SYK: variants seen among roughly 807,000 people sequenced by gnomAD.
The protein encoded by SYK is tyrosine-protein kinase SYK.
Under a neutral mutation model 77.8 loss-of-function variants are expected in SYK, and 16 were observed. The observed-to-expected ratio is 0.21, with a 90% confidence interval of 0.14 to 0.31. SYK has a LOEUF of 0.31. Among genes scored for constraint, SYK ranks in the 10% least tolerant of loss-of-function variants. SYK has a pLI of 1.00. For missense variants in SYK, 529 were observed against 814.4 expected (o/e 0.65, Z 4.26); for synonymous variants, 312 against 308.7 (o/e 1.01, Z -0.11).
rs140369985 is a variant in SYK, at chr9:90,840,372, C to T, written c.-41-3486C>T. ...AACAATGGAAATGAGGTTGGAGGCC[C>T]GAGAAGACCCACTGCAGGAAAAGGG... is the stretch of plus-strand genomic sequence containing the variant. On this transcript the variant is annotated intron_variant, in intron 1 of 13. Transcript: ENST00000375754. Among the ~76,000 whole-genome samples, 735 of 152,026 alleles carry T rather than the reference C, an allele frequency of 4.8e-3. 4 individuals carry two copies. The highest frequency in any genetic ancestry group is 0.017 in the African/African-American group (690 of 41,442).
Position 90,895,889 on chromosome 9 carries a change from A to G in SYK, c.*289A>G, listed in dbSNP as rs1828964527. The G allele has an allele frequency of 2.4e-6, 1 of 411,382 alleles. No individual in the cohort carries two copies. The highest frequency in any genetic ancestry group is 2.0e-5 in the African/African-American group (1 of 50,866). 25.5% of individuals were successfully genotyped at this position (411,382 alleles called of 1,614,324 possible). On this transcript the variant is annotated 3_prime_UTR_variant, in exon 14 of 14. Coordinates refer to ENST00000375754, the MANE Select transcript of SYK (RefSeq NM_003177.7). This position sits in a 1 kb window ranked among gnomAD's most constrained non-coding sequence, Gnocchi z 4.4. Reference sequence around the variant, plus strand: ...AGGTTATTTTTACGATCTGTTTCCAAATCCCTTTCATGTCTTTCCACTTCT... The same window carrying G: ...AGGTTATTTTTACGATCTGTTTCCAGATCCCTTTCATGTCTTTCCACTTCT...
intron 10 of SYK, among the ~76,000 whole-genome samples, 193 bp downstream of exon 10, chr9:90,877,973 A>G (rs908867200): frequency 4.6e-5 from 7 of 152,152 alleles, no homozygotes; most frequent in Admixed American, 4.6e-4. Flanking sequence ...TGTTAGCTCT[A>G]GTTGTTCAGA....
At chr9:90,893,313 A>G (rs2119001897) in intron 13 of SYK, among the ~76,000 whole-genome samples, 1 of 152,270 alleles carries the variant, frequency 6.6e-6, no homozygotes, top group East Asian at 1.9e-4. Flanking sequence ...TGCAGCACAG[A>G]AGCACATTGG....
chr9:90,891,142 CT>C (rs750370621), intron 13 of SYK, among the ~76,000 whole-genome samples: 52 of 119,092 alleles, frequency 4.4e-4, no homozygotes, highest in African/African-American at 8.3e-4. Flanking sequence ...ATGTTGCCTG[CT>C]TTTTTTTTTT....
chr9:90,815,398 C>T (rs190862190), intron 1 of SYK, among the ~76,000 whole-genome samples: 2 of 152,336 alleles, frequency 1.3e-5, no homozygotes, highest in Admixed American at 1.3e-4. Context: ...TGCCTCACTC[C>T]AGGCGCTGGG....
chr9:90,824,954 A>G (rs189332616), intron 1 of SYK, among the ~76,000 whole-genome samples: 7 of 152,320 alleles, frequency 4.6e-5, no homozygotes, highest in South Asian at 2.1e-4. Flanking sequence ...ATGCATGTCC[A>G]TATGGAGAAC....
rs1564120662 is a variant in SYK at position 90,884,354 on chromosome 9, CGTGTATACAT to C, written c.1582-3394_1582-3385del. Among the ~76,000 whole-genome samples the C allele has an allele frequency of 2.6e-4, 31 of 118,156 alleles. 1 individual carries two copies. The highest frequency in any genetic ancestry group is 4.1e-4 in the Non-Finnish European group (23 of 56,036). The allele number at this position is 118,156 out of a possible 152,430, so 77.5% of individuals were successfully genotyped here. Reference sequence around the variant, plus strand: ...GTGTATATATACACACATACACATACGTGTATACATACATACACACATACGTGTATATATG... The same window carrying C: ...GTGTATATATACACACATACACATACACATACACACATACGTGTATATATG... On this transcript the variant is annotated intron_variant, in intron 11 of 13. Transcript: ENST00000375754.
intron 13 of SYK, among the ~76,000 whole-genome samples, chr9:90,892,955 A>C (rs1199312250): frequency 2.0e-5 from 3 of 152,200 alleles, no homozygotes; most frequent in Non-Finnish European, 4.4e-5. Context: ...GGCTCCCTGC[A>C]CAACCTCAGC....
In SYK at chr9:90,858,826, G is replaced by A. The variant is rs2118759056; in HGVS notation, c.579-3380G>A. Among the ~76,000 whole-genome samples the A allele has an allele frequency of 1.3e-5, 2 of 152,332 alleles. 1 individual carries two copies. The highest frequency in any genetic ancestry group is 6.8e-3 in the Middle Eastern group (2 of 294). On this transcript the variant is annotated intron_variant, in intron 3 of 13. Coordinates refer to ENST00000375754, the MANE Select transcript of SYK (RefSeq NM_003177.7). ...TCTTGTTTCCTGCCACCTGCCACAG[G>A]GGGCTGCCCAGGCCACATGTCCATG...
chr9:90,865,219 C>T (rs944328357), intron 6 of SYK, 122 bp downstream of exon 6: 16 of 969,050 alleles, frequency 1.7e-5, no homozygotes, highest in East Asian at 1.5e-4. Flanking sequence ...AAACATACTC[C>T]GTGATGAGCT....
intron 1 of SYK, among the ~76,000 whole-genome samples, chr9:90,804,058 G>C (rs1824722382): frequency 6.6e-6 from 1 of 151,932 alleles, no homozygotes; most frequent in Non-Finnish European, 1.5e-5. Flanking sequence ...TTTTAGAGCT[G>C]CAGCTGAGGG....
intron 1 of SYK, among the ~76,000 whole-genome samples, chr9:90,839,436 A>G (rs555542847): frequency 2.0e-4 from 30 of 151,818 alleles, no homozygotes; most frequent in South Asian, 1.0e-3. Context: ...TGCACCATCA[A>G]AGCCACACAG....
chr9:90,845,718 C>T (rs1826566708), intron 3 of SYK, 124 bp downstream of exon 3: 1 of 1,105,824 alleles, frequency 9.0e-7, no homozygotes, highest in African/African-American at 1.6e-5. Context: ...TGCCATTTGA[C>T]AACATGCATG....
At chr9:90,884,250 C>CATACACATACGTGTATAT (rs1828307725) in intron 11 of SYK, among the ~76,000 whole-genome samples, 2 of 36,922 alleles carry the variant, frequency 5.4e-5, no homozygotes, top group Non-Finnish European at 5.0e-5. Context: ...TATATATACA[C>CATACACATACGTGTATAT]ATACACATAC....
At position 90,874,529 on chromosome 9, in the gene SYK, C is replaced by G. The variant is rs1054889678; in HGVS notation, c.1004-143C>G. The G allele has an allele frequency of 1.7e-5, 19 of 1,124,824 alleles. No homozygotes were observed. The African/African-American group carries it at 3.0e-4, about 18-fold the overall frequency. The allele number at this position is 1,124,824 out of a possible 1,614,324, so 69.7% of individuals were successfully genotyped here. ...CCTCACCCAACGACGTTGGAAATGTCCCTGCCACTCTTCAGAATTTCTCAT... is the reference window on the plus strand; with the variant it reads ...CCTCACCCAACGACGTTGGAAATGTGCCTGCCACTCTTCAGAATTTCTCAT... On this transcript the variant is annotated intron_variant, in intron 8 of 13. Coordinates refer to ENST00000375754, the MANE Select transcript of SYK (RefSeq NM_003177.7).
At chr9:90,879,897 C>T (rs1159824171) in intron 11 of SYK, among the ~76,000 whole-genome samples, 1 of 152,120 alleles carries the variant, frequency 6.6e-6, no homozygotes, top group Non-Finnish European at 1.5e-5. Context: ...TCAAATGAAC[C>T]AATAACAACT....
chr9:90,890,260 G>T (rs976944576), intron 13 of SYK, among the ~76,000 whole-genome samples: 3 of 152,172 alleles, frequency 2.0e-5, no homozygotes, highest in Non-Finnish European at 4.4e-5. Flanking sequence ...TGGGCTCGTG[G>T]TGTATTCTTG....
intron 11 of SYK, among the ~76,000 whole-genome samples, chr9:90,886,598 G>A (rs549156560): frequency 6.6e-6 from 1 of 152,282 alleles, no homozygotes; most frequent in Non-Finnish European, 1.5e-5. Flanking sequence ...CCAGCTACCT[G>A]GGAGGCTGAG....
intron 1 of SYK, among the ~76,000 whole-genome samples, chr9:90,818,853 C>T (rs1223148761): frequency 6.6e-6 from 1 of 152,202 alleles, no homozygotes; most frequent in Non-Finnish European, 1.5e-5. Flanking sequence ...GGCTTCATGG[C>T]CTTCTCTACC....
Sources: allele counts gnomAD v4.1 joint callset (sites outside exome capture counted in the v4.1 genomes callset), GRCh38; gene constraint gnomAD v4.1.1; non-coding constraint Gnocchi (gnomAD v3.1); transcripts MANE v1.5; gene names NCBI Gene and HGNC (gene_info 2026-07-23, HGNC 2026-07-21).